Variants in ZNF469 observed in about 807,000 individuals in gnomAD.
The protein encoded by ZNF469 is zinc finger protein 469.
A neutral mutation model predicts 1.0 loss-of-function variants in ZNF469; 1 was observed. That is an observed-to-expected ratio of 1.00 (90% CI 0.35 to 4.73). The LOEUF is 4.73. Among genes scored for constraint, ZNF469 ranks in the 30% most tolerant of loss-of-function variants. ZNF469 has a pLI of 0.16. For missense variants in ZNF469, 6,100 were observed against 5,356.3 expected, an observed-to-expected ratio of 1.14 and a Z score of -4.33; for synonymous variants, 2,703 against 2,363.4, an observed-to-expected ratio of 1.14 and a Z score of -4.17.
intron 1 of ZNF469, among the ~76,000 whole-genome samples, chr16:88,412,303 A>G (rs1411791864): frequency 1.3e-5 from 2 of 152,090 alleles, no homozygotes; most frequent in African/African-American, 2.4e-5. Context: ...CCACCTTCCC[A>G]GTGCCCTCTC....
At chr16:88,418,678 C>T (rs1025036122) in intron 1 of ZNF469, among the ~76,000 whole-genome samples, 16 of 152,156 alleles carry the variant, frequency 1.1e-4, no homozygotes, top group African/African-American at 3.9e-4. Flanking sequence ...TCCCCAGCCC[C>T]TCCAATGCCG....
chr16:88,383,166 C>T lies in ZNF469; in HGVS notation c.-280C>T, dbSNP rs1599341683. On this transcript the variant is annotated 5_prime_UTR_variant, in exon 1 of 3. Coordinates refer to ENST00000565624, the MANE Select transcript of ZNF469 (RefSeq NM_001367624.2). The stretch of plus-strand genomic sequence containing the variant: ...GGGCCTGCGGTCGGGATGAGGACGG[C>T]GCCTCCGCTGCAGAGCGCTGGGGCG... Among the ~76,000 whole-genome samples the T allele has an allele frequency of 6.8e-6, 1 of 147,902 alleles. No individual in the cohort carries two copies. Among genetic ancestry groups the T allele is most frequent in the South Asian group, 2.1e-4 (1 of 4,810 alleles).
At chr16:88,247,266 AGAGT>A in the ZNF469 span, among the ~76,000 whole-genome samples, 39 of 95,276 alleles carry the variant, frequency 4.1e-4, no homozygotes, top group East Asian at 5.1e-3. Flanking sequence ...AACAAGTGAA[AGAGT>A]GAGTGAGTAA....
At chr16:88,350,743 G>T in the ZNF469 span, among the ~76,000 whole-genome samples, 3 of 152,246 alleles carry the variant, frequency 2.0e-5, no homozygotes, top group African/African-American at 7.2e-5. Context: ...AGTAGATGTT[G>T]ATTATGGCAG....
the ZNF469 span, among the ~76,000 whole-genome samples, chr16:88,156,214 A>T: frequency 6.6e-6 from 1 of 152,122 alleles, no homozygotes; most frequent in Admixed American, 6.5e-5. Context: ...TTTCTTGATG[A>T]TATCTTTTGC....
chr16:88,120,624 G>A, the ZNF469 span, among the ~76,000 whole-genome samples: 1 of 152,216 alleles, frequency 6.6e-6, no homozygotes, highest in Admixed American at 6.5e-5. Flanking sequence ...CCCTGTCCAC[G>A]GAGCATGCAG....
the ZNF469 span, among the ~76,000 whole-genome samples, chr16:88,302,157 G>A: frequency 4.6e-5 from 7 of 152,278 alleles, no homozygotes; most frequent in East Asian, 3.9e-4. Context: ...TGGGAGACTC[G>A]GGGGGTAACC....
chr16:88,160,927 G>A, the ZNF469 span, among the ~76,000 whole-genome samples: 2 of 152,332 alleles, frequency 1.3e-5, no homozygotes, highest in African/African-American at 4.8e-5. Context: ...CGGATCATTT[G>A]ACATCAGGAG....
intron 1 of ZNF469, among the ~76,000 whole-genome samples, chr16:88,412,265 C>T (rs974279174): frequency 3.9e-5 from 6 of 152,236 alleles, no homozygotes; most frequent in African/African-American, 1.4e-4. Flanking sequence ...CAGGCCTCTG[C>T]GCAGCCTCAG....
chr16:88,403,026 G>A (rs2333919), intron 1 of ZNF469, among the ~76,000 whole-genome samples: 98,178 of 152,150 alleles, frequency 0.65, 32,683 homozygotes, highest in South Asian at 0.79. Flanking sequence ...GAGTGTGGAC[G>A]CGTGGGAGAC....
At chr16:88,186,545 G>C in the ZNF469 span, among the ~76,000 whole-genome samples, 1 of 152,180 alleles carries the variant, frequency 6.6e-6, no homozygotes, top group South Asian at 2.1e-4. Flanking sequence ...TTTTCCGACC[G>C]CCTCTGCTCC....
At chr16:88,118,255 T>A in the ZNF469 span, among the ~76,000 whole-genome samples, 1 of 152,242 alleles carries the variant, frequency 6.6e-6, no homozygotes, top group African/African-American at 2.4e-5. Flanking sequence ...TATCTTTTCA[T>A]TGAAATCTTG....
At chr16:88,364,059 C>T in the ZNF469 span, among the ~76,000 whole-genome samples, 1 of 152,172 alleles carries the variant, frequency 6.6e-6, no homozygotes, top group South Asian at 2.1e-4. Context: ...ACTGCCTATT[C>T]CAAGACCACA....
chr16:88,177,514 C>G, the ZNF469 span: 3 of 152,184 alleles, frequency 2.0e-5, no homozygotes, highest in Non-Finnish European at 4.4e-5. The surrounding 1 kb of genome is among the most constrained non-coding windows in gnomAD (Gnocchi z 4.8). Flanking sequence ...AAAAAGGTAT[C>G]AGTTTTCCAT....
upstream of ZNF469, among the ~76,000 whole-genome samples, chr16:88,380,970 A>C (rs117676286): frequency 1.5e-5 from 2 of 135,218 alleles, no homozygotes; most frequent in South Asian, 2.6e-4. Context: ...ACAGACATGC[A>C]CTCACACATA....
chr16:88,349,344 C>T, the ZNF469 span, among the ~76,000 whole-genome samples: 605 of 152,088 alleles, frequency 4.0e-3, 4 homozygotes, highest in African/African-American at 0.014. Context: ...GCACCACACA[C>T]CACACACAAG....
the ZNF469 span, among the ~76,000 whole-genome samples, chr16:88,145,507 C>T: frequency 1.3e-5 from 2 of 152,254 alleles, no homozygotes; most frequent in African/African-American, 4.8e-5. Context: ...CCGAGCTGCC[C>T]TCTTGGGTTT....
the ZNF469 span, among the ~76,000 whole-genome samples, chr16:88,184,693 C>T: frequency 1.3e-5 from 2 of 151,892 alleles, no homozygotes; most frequent in African/African-American, 2.4e-5. Context: ...CCACGGACTT[C>T]ACGGCTGCAC....
At chr16:88,364,803 A>G in the ZNF469 span, among the ~76,000 whole-genome samples, 1 of 182 alleles carries the variant, frequency 5.5e-3, no homozygotes, top group Non-Finnish European at 0.011. Flanking sequence ...ATCTCTACTA[A>G]AAAATACAAA....
Sources: allele counts gnomAD v4.1 joint callset (sites outside exome capture counted in the v4.1 genomes callset), GRCh38; gene constraint gnomAD v4.1.1; non-coding constraint Gnocchi (gnomAD v3.1); transcripts MANE v1.5; gene names NCBI Gene and HGNC (gene_info 2026-07-23, HGNC 2026-07-21).